Variants in CHLSN observed in about 807,000 individuals in gnomAD.
The protein encoded by CHLSN is protein cholesin.
chr7:1,000,162 T>C, the CHLSN span, among the ~76,000 whole-genome samples: 2 of 152,182 alleles, frequency 1.3e-5, no homozygotes, highest in East Asian at 1.9e-4. Context: ...CCGGGAGACC[T>C]GCCCTGCAGT....
chr7:1,118,291 G>A, the CHLSN span, among the ~76,000 whole-genome samples: 1 of 152,212 alleles, frequency 6.6e-6, no homozygotes, highest in Non-Finnish European at 1.5e-5. Flanking sequence ...TGAACACGAA[G>A]TGGAGACACA....
the CHLSN span, chr7:1,058,324 A>G: frequency 3.9e-6 from 3 of 777,180 alleles, no homozygotes; most frequent in Non-Finnish European, 7.2e-6. Context: ...GACGCACACT[A>G]CCTGGGGCTA....
chr7:1,105,750 G>A, the CHLSN span, among the ~76,000 whole-genome samples: 1 of 152,320 alleles, frequency 6.6e-6, no homozygotes, highest in African/African-American at 2.4e-5. Flanking sequence ...GAGTAGCTGA[G>A]ATTACAGGCA....
chr7:1,038,529 T>TG, the CHLSN span, among the ~76,000 whole-genome samples: 1 of 79,876 alleles, frequency 1.3e-5, no homozygotes, highest in East Asian at 3.7e-4. Context: ...GGGAGGGAGG[T>TG]GGGGGGGTCA....
At chr7:1,061,416 C>T in the CHLSN span, among the ~76,000 whole-genome samples, 3 of 152,084 alleles carry the variant, frequency 2.0e-5, no homozygotes, top group Non-Finnish European at 4.4e-5. Context: ...CCCTACCCAG[C>T]GAGTCCCCTC....
At chr7:1,026,599 A>G in the CHLSN span, 1 of 152,266 alleles carries the variant, frequency 6.6e-6, no homozygotes, top group Non-Finnish European at 1.5e-5. Context: ...CACTCGCAGG[A>G]AATCGGCTCA....
At chr7:1,024,308 G>A in the CHLSN span, among the ~76,000 whole-genome samples, 2 of 152,142 alleles carry the variant, frequency 1.3e-5, no homozygotes, top group Non-Finnish European at 2.9e-5. Context: ...CCAGAGACGT[G>A]GGACCAGGAA....
At chr7:1,094,146 C>T in the CHLSN span, among the ~76,000 whole-genome samples, 1 of 152,268 alleles carries the variant, frequency 6.6e-6, no homozygotes, top group African/African-American at 2.4e-5. Flanking sequence ...GGCCCAAGAG[C>T]TCTGCGGCAC....
chr7:1,023,673 A>ACG, the CHLSN span, among the ~76,000 whole-genome samples: 1 of 95,994 alleles, frequency 1.0e-5, no homozygotes, highest in Non-Finnish European at 2.4e-5. The surrounding 1 kb of genome is among the most constrained non-coding windows in gnomAD (Gnocchi z 5.0). Context: ...ACACACACAC[A>ACG]CACACCAGCA....
chr7:1,027,318 T>A, the CHLSN span, among the ~76,000 whole-genome samples: 1 of 152,244 alleles, frequency 6.6e-6, no homozygotes, highest in Admixed American at 6.5e-5. Context: ...CCGCCGTCTC[T>A]GCAGCCGTGA....
At chr7:1,070,758 G>A in the CHLSN span, among the ~76,000 whole-genome samples, 1 of 141,122 alleles carries the variant, frequency 7.1e-6, no homozygotes, top group Non-Finnish European at 1.5e-5. Flanking sequence ...AACGCACGCA[G>A]ACATACACAT....
chr7:1,015,220 AAG>A, the CHLSN span, among the ~76,000 whole-genome samples: 1 of 151,986 alleles, frequency 6.6e-6, no homozygotes. Context: ...GGGGTGAGGA[AAG>A]AGAGGTGGGG....
the CHLSN span, chr7:1,082,134 G>C: frequency 7.4e-4 from 113 of 152,396 alleles, no homozygotes; most frequent in African/African-American, 2.4e-3. Context: ...CATGTTAAAA[G>C]GATCTTGTTT....
chr7:1,090,988 A>G, the CHLSN span, among the ~76,000 whole-genome samples: 1 of 152,190 alleles, frequency 6.6e-6, no homozygotes, highest in Non-Finnish European at 1.5e-5. Context: ...TCTCTCAGAA[A>G]CACTGGCTTT....
the CHLSN span, among the ~76,000 whole-genome samples, chr7:994,035 T>C: frequency 4.6e-5 from 7 of 152,256 alleles, no homozygotes; most frequent in African/African-American, 1.4e-4. Flanking sequence ...GCACCCCCAA[T>C]GTCAGGGAGG....
chr7:1,116,315 C>G, the CHLSN span, among the ~76,000 whole-genome samples: 1 of 140,964 alleles, frequency 7.1e-6, no homozygotes, highest in Non-Finnish European at 1.5e-5. Context: ...GCTCTACGGA[C>G]AGGCTTCCAT....
the CHLSN span, among the ~76,000 whole-genome samples, chr7:1,111,832 C>T: frequency 1.3e-5 from 2 of 152,040 alleles, no homozygotes; most frequent in South Asian, 2.1e-4. Context: ...CCAAGGGCCT[C>T]GGGGCGGGTG....
chr7:1,092,268 C>A, the CHLSN span: 1 of 1,612,166 alleles, frequency 6.2e-7, no homozygotes. Flanking sequence ...GCTGTGGCCT[C>A]ATCTGGATGG....
At chr7:1,021,869 G>A in the CHLSN span, among the ~76,000 whole-genome samples, 1 of 152,248 alleles carries the variant, frequency 6.6e-6, no homozygotes, top group Admixed American at 6.5e-5. Flanking sequence ...GCGAGGCTGG[G>A]TTTTGGGGTA....
Sources: gnomAD v4.1 joint callset for allele counts (sites outside exome capture counted in the v4.1 genomes callset) on GRCh38, gnomAD v4.1.1 for gene constraint, Gnocchi (gnomAD v3.1) non-coding constraint, MANE v1.5 for transcripts, NCBI Gene and HGNC (gene_info 2026-07-23, HGNC 2026-07-21) for gene names.